The following PPP2R2C variants were observed in gnomAD, a reference collection of about 807,000 sequenced individuals.
PPP2R2C encodes the protein protein phosphatase 2, regulatory subunit B, gamma.
In PPP2R2C, 10 loss-of-function variants were observed where a neutral mutation model predicts 45.3. The observed-to-expected ratio is 0.22, with a 90% CI of 0.14 to 0.37. The LOEUF (loss-of-function observed/expected upper bound fraction) is 0.37. Among genes scored for constraint, PPP2R2C ranks in the 10% least tolerant of loss-of-function variants. The pLI is 1.00. For missense variants in PPP2R2C, 308 were observed against 619.7 expected, an observed-to-expected ratio of 0.50 and a Z score of 5.34; for synonymous variants, 257 against 245.4, an observed-to-expected ratio of 1.05 and a Z score of -0.44.
chr4:6,426,556 A>T (rs770580315), intron 1 of PPP2R2C, among the ~76,000 whole-genome samples: 2 of 152,200 alleles, frequency 1.3e-5, no homozygotes, highest in Non-Finnish European at 2.9e-5. Context: ...CCTGCATGGC[A>T]ATTGTGGTCC....
intron 1 of PPP2R2C, chr4:6,381,369 G>C: frequency 6.7e-7 from 1 of 1,488,354 alleles, no homozygotes; most frequent in East Asian, 2.7e-5. Flanking sequence ...AGACTTTATA[G>C]TAACTGGACA....
At chr4:6,518,922 T>TAAAAAAAAAAACAAAAAAAA (rs1723917255) in intron 2 of PPP2R2C, among the ~76,000 whole-genome samples, 1 of 92,902 alleles carries the variant, frequency 1.1e-5, no homozygotes, top group Non-Finnish European at 2.0e-5. Flanking sequence ...GACTCTGTCT[T>TAAAAAAAAAAACAAAAAAAA]AAAAAAAAAA....
intron 1 of PPP2R2C, among the ~76,000 whole-genome samples, chr4:6,399,843 C>G (rs1717300031): frequency 6.6e-6 from 1 of 152,236 alleles, no homozygotes; most frequent in South Asian, 2.1e-4. Context: ...GCAGAACGTC[C>G]AGTCCAGCTG....
intron 1 of PPP2R2C, among the ~76,000 whole-genome samples, chr4:6,447,251 C>G (rs1313778505): frequency 6.6e-6 from 1 of 152,122 alleles, no homozygotes; most frequent in Non-Finnish European, 1.5e-5. Context: ...CTGAGGAGGC[C>G]TGCGGTGCAG....
Position 6,491,197 on chromosome 4 carries a change from T to C in PPP2R2C, c.49+44074A>G, listed in dbSNP as rs1374046007. On this transcript the variant is annotated intron_variant, in intron 2 of 9. Coordinates refer to the PPP2R2C transcript ENST00000506140. The stretch of plus-strand genomic sequence containing the variant: ...GCCTGGTGTGTGGCAGGAATTTGTA[T>C]TGTTGGGTGAATTTGTGGATGAATG... Among the ~76,000 whole-genome samples the C allele has an allele frequency of 4.6e-5, 7 of 152,202 alleles. No homozygotes were observed. The East Asian group carries it at 1.3e-3, about 29-fold the overall frequency.
chr4:6,336,409 C>G (rs1373799511), intron 6 of PPP2R2C, among the ~76,000 whole-genome samples: 4 of 152,082 alleles, frequency 2.6e-5, no homozygotes, highest in Non-Finnish European at 5.9e-5. Context: ...GCCAGGGTCT[C>G]AATCCCCGAG....
At chr4:6,429,018 G>C (rs1719476463) in intron 1 of PPP2R2C, among the ~76,000 whole-genome samples, 1 of 152,120 alleles carries the variant, frequency 6.6e-6, no homozygotes, top group African/African-American at 2.4e-5. Flanking sequence ...GGCTTCGTGG[G>C]ACATATGTCC....
At chr4:6,558,195 C>T (rs1235004268) in intron 1 of PPP2R2C, among the ~76,000 whole-genome samples, 1 of 152,234 alleles carries the variant, frequency 6.6e-6, no homozygotes, top group African/African-American at 2.4e-5. Context: ...ACCTAACAGG[C>T]TCTGCCTGTG....
At chr4:6,487,249 G>T (rs1347690010) in intron 2 of PPP2R2C, among the ~76,000 whole-genome samples, 1 of 151,810 alleles carries the variant, frequency 6.6e-6, no homozygotes, top group African/African-American at 2.4e-5. Context: ...ACTTTAAAGA[G>T]ATTAAAATAA....
chr4:6,387,150 G>A, intron 1 of PPP2R2C, among the ~76,000 whole-genome samples: 1 of 152,214 alleles, frequency 6.6e-6, no homozygotes, highest in East Asian at 1.9e-4. Flanking sequence ...GTTGTAGAGG[G>A]AGGGGAGAGA....
rs1300246928 is a variant in PPP2R2C, at chr4:6,511,460, TGAC to T, written c.49+23808_49+23810del. The stretch of plus-strand genomic sequence containing the variant: ...GTGGTGACGGTGGTGGTGGTGATGA[TGAC>T]GGTGGTGGTGGTGATGGCGGTGTTG... On this transcript the variant is annotated intron_variant, in intron 2 of 9. Transcript: ENST00000506140. Among the ~76,000 whole-genome samples, 6 of 137,500 alleles carry T rather than the reference TGAC, an allele frequency of 4.4e-5. No homozygotes were observed. In the East Asian group the frequency reaches 9.0e-4, roughly 21 times the overall value. 90.2% of individuals were successfully genotyped at this position (137,500 alleles called of 152,430 possible).
intron 2 of PPP2R2C, among the ~76,000 whole-genome samples, chr4:6,529,017 C>T (rs1272353115): frequency 6.6e-6 from 1 of 152,202 alleles, no homozygotes; most frequent in African/African-American, 2.4e-5. Flanking sequence ...GCGCACTAAA[C>T]TTACTTTATT....
At chr4:6,402,994 C>A (rs13114468) in intron 1 of PPP2R2C, among the ~76,000 whole-genome samples, 1 of 152,238 alleles carries the variant, frequency 6.6e-6, no homozygotes, top group African/African-American at 2.4e-5. Flanking sequence ...GCACGTCTCC[C>A]GGCTCACTCA....
At chr4:6,524,903 A>G (rs1472432603) in intron 2 of PPP2R2C, among the ~76,000 whole-genome samples, 1 of 152,010 alleles carries the variant, frequency 6.6e-6, no homozygotes, top group Admixed American at 6.6e-5. Flanking sequence ...AGCCTGGGCA[A>G]CATAGCAAGA....
At chr4:6,351,330 T>C in intron 5 of PPP2R2C, 2 of 866,636 alleles carry the variant, frequency 2.3e-6, no homozygotes, top group Non-Finnish European at 2.8e-6. Context: ...AATAAATAAA[T>C]TAATTAATTA....
chr4:6,434,419 C>T (rs549690232), intron 1 of PPP2R2C, among the ~76,000 whole-genome samples: 18 of 129,260 alleles, frequency 1.4e-4, no homozygotes, highest in Non-Finnish European at 2.3e-4. Context: ...AGTGCAGTGG[C>T]GTGATCTCGG....
rs540185173 is a variant in PPP2R2C at position 6,410,005 on chromosome 4, T to C, written c.71-28911A>G. The stretch of plus-strand genomic sequence containing the variant: ...GTGAGGAGCCAGTCTGGTGTCATCA[T>C]CTGCATGACATGTGTCCCTCAGAGG... On this transcript the variant is annotated intron_variant, in intron 1 of 8. Transcript: ENST00000382599. 9.2e-4 allele frequency among the ~76,000 whole-genome samples: 140 copies of C among 152,354 alleles called. 2 individuals carry two copies. Among genetic ancestry groups the C allele is most frequent in the Middle Eastern group, 6.8e-3 (2 of 294 alleles).
chr4:6,433,458 G>A (rs1454170496), intron 1 of PPP2R2C, among the ~76,000 whole-genome samples: 4 of 152,104 alleles, frequency 2.6e-5, no homozygotes, highest in African/African-American at 9.7e-5. Context: ...GCCTGAAACG[G>A]TGCCGCCAAG....
intron 1 of PPP2R2C, among the ~76,000 whole-genome samples, chr4:6,558,918 C>G (rs553368376): frequency 4.5e-4 from 69 of 152,336 alleles, no homozygotes; most frequent in African/African-American, 1.6e-3. Context: ...ACCTTGCACC[C>G]TCACAGGTGC....
Sources: allele counts gnomAD v4.1 joint callset (sites outside exome capture counted in the v4.1 genomes callset), GRCh38; gene constraint gnomAD v4.1.1; transcripts MANE v1.5; gene names NCBI Gene and HGNC (gene_info 2026-07-23, HGNC 2026-07-21).